SGCD: variants seen among roughly 807,000 people sequenced by gnomAD.
SGCD encodes delta-sarcoglycan.
Under a neutral mutation model 36.6 loss-of-function variants are expected in SGCD, and 18 were observed. That is an observed-to-expected ratio of 0.49 (90% confidence interval 0.34 to 0.73). The LOEUF (loss-of-function observed/expected upper bound fraction) is 0.73. Ranked by LOEUF, SGCD falls within the 30% of genes least tolerant of loss-of-function variation. SGCD has a pLI of 0.01. For synonymous variants in SGCD, 133 were observed against 130.6 expected, an observed-to-expected ratio of 1.02 and a Z score of -0.12; for missense variants, 387 against 346.7, an observed-to-expected ratio of 1.12 and a Z score of -0.92.
chr5:156,643,544 G>A (rs1051327104), intron 6 of SGCD, among the ~76,000 whole-genome samples: 1 of 152,010 alleles, frequency 6.6e-6, no homozygotes, highest in Non-Finnish European at 1.5e-5. Context: ...TAAAATAACA[G>A]GAGCGGAAGA....
chr5:156,035,074 A>G (rs1363184815), intron 1 of SGCD, among the ~76,000 whole-genome samples: 1 of 152,228 alleles, frequency 6.6e-6, no homozygotes, highest in Non-Finnish European at 1.5e-5. Context: ...AATGGATACC[A>G]TTAGATAACC....
chr5:156,676,565 C>T (rs540883210), intron 7 of SGCD, among the ~76,000 whole-genome samples: 1 of 152,172 alleles, frequency 6.6e-6, no homozygotes, highest in Admixed American at 6.5e-5. Flanking sequence ...CTTGGGACCT[C>T]AAGACAAGGT....
At chr5:156,159,394 G>C (rs1297317380) in intron 3 of SGCD, among the ~76,000 whole-genome samples, 5 of 151,276 alleles carry the variant, frequency 3.3e-5, no homozygotes, top group Non-Finnish European at 7.4e-5. Flanking sequence ...TGAAATTAGA[G>C]TTAAGCAAAT....
chr5:156,423,005 T>G (rs1394309808), intron 3 of SGCD, among the ~76,000 whole-genome samples: 1 of 150,752 alleles, frequency 6.6e-6, no homozygotes, highest in African/African-American at 2.4e-5. Flanking sequence ...CCTGCAGTCT[T>G]CACTCACAAA....
At chr5:156,433,128 G>A (rs779942637) in intron 3 of SGCD, among the ~76,000 whole-genome samples, 1 of 152,178 alleles carries the variant, frequency 6.6e-6, no homozygotes, top group Non-Finnish European at 1.5e-5. Context: ...CAAATATAAA[G>A]TTAGGTTAAT....
At chr5:156,048,011 C>CCCTT (rs1759817221) in intron 1 of SGCD, among the ~76,000 whole-genome samples, 1 of 152,078 alleles carries the variant, frequency 6.6e-6, no homozygotes, top group Non-Finnish European at 1.5e-5. Flanking sequence ...TGTGATGTTC[C>CCCTT]CCTTCCTGTG....
chr5:156,460,316 G>A (rs1415005043), intron 3 of SGCD, among the ~76,000 whole-genome samples: 1 of 152,052 alleles, frequency 6.6e-6, no homozygotes, highest in Admixed American at 6.6e-5. Context: ...ATAAAATATA[G>A]CCCTGCCTTT....
At chr5:156,629,896 T>G (rs1192814601) in intron 6 of SGCD, among the ~76,000 whole-genome samples, 8 of 149,584 alleles carry the variant, frequency 5.3e-5, no homozygotes, top group Non-Finnish European at 1.2e-4. Flanking sequence ...AGTTTCACTC[T>G]TGTTGCCCAG....
At chr5:156,574,608 G>A (rs1207568271) in intron 4 of SGCD, among the ~76,000 whole-genome samples, 2 of 152,110 alleles carry the variant, frequency 1.3e-5, no homozygotes, top group Non-Finnish European at 2.9e-5. Context: ...CCCAGGGTTA[G>A]TAGTCTGGGC....
At chr5:156,006,617 C>T (rs1348831324) in intron 1 of SGCD, among the ~76,000 whole-genome samples, 1 of 152,180 alleles carries the variant, frequency 6.6e-6, no homozygotes, top group Non-Finnish European at 1.5e-5. Flanking sequence ...TCCCTAACAT[C>T]TGCCACCCCT....
At chr5:156,235,807 TC>T (rs1292085286) in intron 3 of SGCD, among the ~76,000 whole-genome samples, 1 of 152,228 alleles carries the variant, frequency 6.6e-6, no homozygotes, top group Non-Finnish European at 1.5e-5. Context: ...GTATTTTATT[TC>T]CCTAAGTTCT....
rs1233559549 is a variant in SGCD, at chr5:156,766,036, A to G, written c.*6646A>G. ...TCTGTGTATGCTTAGGTCAAGCTTA[A>G]AAAAAAAAAAAAAAGACCGGAAAAT... is the stretch of plus-strand genomic sequence containing the variant. On this transcript the variant is annotated 3_prime_UTR_variant, in exon 9 of 9. Coordinates refer to ENST00000337851, the MANE Select transcript of SGCD (RefSeq NM_000337.6). The G allele has an allele frequency of 8.4e-6, 1 of 118,502 alleles. No homozygotes were observed. The highest frequency in any genetic ancestry group is 1.8e-5 in the Non-Finnish European group (1 of 55,168). 7.3% of individuals were successfully genotyped at this position (118,502 alleles called of 1,614,324 possible). A position where few individuals can be genotyped will look rare whatever the true frequency, so the allele number is the denominator to read the frequency against.
At chr5:156,270,439 T>C (rs1171805546) in intron 3 of SGCD, among the ~76,000 whole-genome samples, 1 of 152,230 alleles carries the variant, frequency 6.6e-6, no homozygotes, top group African/African-American at 2.4e-5. Context: ...AAAAGCAATC[T>C]ATGTTTAAGC....
At chr5:156,022,693 C>A (rs1308416858) in intron 1 of SGCD, among the ~76,000 whole-genome samples, 1 of 152,138 alleles carries the variant, frequency 6.6e-6, no homozygotes, top group Non-Finnish European at 1.5e-5. Context: ...ATATGTGAGG[C>A]AAGTTACTTT....
chr5:156,579,863 A>C (rs1760170227), intron 4 of SGCD, among the ~76,000 whole-genome samples: 2 of 152,060 alleles, frequency 1.3e-5, no homozygotes. Flanking sequence ...TTGACTCTTT[A>C]TCCAATTTGC....
At chr5:156,187,396 G>C (rs1335018449) in intron 3 of SGCD, among the ~76,000 whole-genome samples, 5 of 152,124 alleles carry the variant, frequency 3.3e-5, no homozygotes, top group African/African-American at 1.2e-4. Context: ...AGCCATTTGA[G>C]AGGATCTAGG....
intron 3 of SGCD, among the ~76,000 whole-genome samples, chr5:156,373,462 T>C (rs558304200): frequency 5.9e-5 from 9 of 152,244 alleles, no homozygotes; most frequent in African/African-American, 1.9e-4. Context: ...TTTGGAAAAA[T>C]CGCTACATTT....
intron 1 of SGCD, among the ~76,000 whole-genome samples, chr5:156,095,735 C>T (rs775945562): frequency 2.6e-5 from 4 of 152,246 alleles, no homozygotes; most frequent in South Asian, 2.1e-4. Context: ...CTCACACGGT[C>T]GCTCCTAAAC....
At chr5:156,277,724 G>C (rs1766352572) in intron 3 of SGCD, among the ~76,000 whole-genome samples, 1 of 152,140 alleles carries the variant, frequency 6.6e-6, no homozygotes, top group Non-Finnish European at 1.5e-5. Flanking sequence ...TTGCCTCAGT[G>C]AATAATGTTT....
Sources: gnomAD v4.1 joint callset for allele counts (sites outside exome capture counted in the v4.1 genomes callset) on GRCh38, gnomAD v4.1.1 for gene constraint, MANE v1.5 for transcripts, NCBI Gene and HGNC (gene_info 2026-07-23, HGNC 2026-07-21) for gene names.